Variants in ZBED6 observed in about 807,000 individuals in gnomAD.
ZBED6 encodes the protein zinc finger BED-type containing 6.
In ZBED6, 40 loss-of-function variants were observed where a neutral mutation model predicts 58.4. The observed-to-expected ratio is 0.68, with a 90% CI of 0.53 to 0.89. The LOEUF (loss-of-function observed/expected upper bound fraction) is 0.89, where lower values mean the gene tolerates loss of function less well. Among genes scored for constraint, ZBED6 ranks in the 40% least tolerant of loss-of-function variants. The pLI, the probability that ZBED6 is intolerant of heterozygous loss-of-function variation, is 0.00. For synonymous variants in ZBED6, 439 were observed against 350.6 expected (o/e 1.25, Z -2.82); for missense variants, 1,057 against 1,003.9 (o/e 1.05, Z -0.71).
At chr1:203,845,458 G>A (rs1228851701) in intron 11 of ZBED6, among the ~76,000 whole-genome samples, 1 of 152,234 alleles carries the variant, frequency 6.6e-6, no homozygotes, top group East Asian at 1.9e-4. Flanking sequence ...TACAGTCGTT[G>A]TTCTCATGAA....
chr1:203,835,872 T>C (rs752010554), intron 9 of ZBED6: 6 of 248,034 alleles, frequency 2.4e-5, no homozygotes, highest in Non-Finnish European at 5.3e-5. Context: ...ACCCCACTTA[T>C]AGCCAGCAAA....
chr1:203,851,271 G>A (rs1011724888), intron 16 of ZBED6, 147 bp downstream of exon 16: 4 of 738,650 alleles, frequency 5.4e-6, no homozygotes, highest in African/African-American at 3.6e-5. Flanking sequence ...TGAAAATCTA[G>A]GGTTGCTGTT....
chr1:203,835,186 A>T (rs934050735), intron 9 of ZBED6, among the ~76,000 whole-genome samples: 3 of 152,220 alleles, frequency 2.0e-5, no homozygotes, highest in Non-Finnish European at 4.4e-5. Flanking sequence ...ACTTTCAGCG[A>T]TGAGATAATG....
intron 11 of ZBED6, among the ~76,000 whole-genome samples, chr1:203,843,446 TTTTG>T (rs1217910540): frequency 6.6e-6 from 1 of 152,206 alleles, no homozygotes; most frequent in Non-Finnish European, 1.5e-5. Context: ...TCTGTATACT[TTTTG>T]TTTCTTTGTT....
exon 9 of ZBED6, chr1:203,833,832 G>C: frequency 1.2e-6 from 2 of 1,609,948 alleles, no homozygotes; most frequent in Non-Finnish European, 1.7e-6. Flanking sequence ...TGAGAGACTG[G>C]GGAAACGAAA....
intron 9 of ZBED6, among the ~76,000 whole-genome samples, chr1:203,834,269 C>CTTAT (rs1252542661): frequency 3.9e-5 from 6 of 151,918 alleles, no homozygotes; most frequent in South Asian, 2.1e-4. Context: ...TTGGTGCTTG[C>CTTAT]TTATTTATTT....
At chr1:203,829,488 A>G (rs752391095) in exon 5 of ZBED6, 36 of 1,613,880 alleles carry the variant, frequency 2.2e-5, no homozygotes, top group Non-Finnish European at 2.4e-5. Flanking sequence ...CAGAAGAGGA[A>G]GTGAAGGCTA....
chr1:203,801,858 T>G (rs1379055784), exon 1 of ZBED6: 1 of 151,556 alleles, frequency 6.6e-6, no homozygotes, highest in East Asian at 1.9e-4. Flanking sequence ...AATATGCCAT[T>G]GTGAAATGAA....
chr1:203,799,137 A>G, exon 1 of ZBED6: 1 of 1,508,730 alleles, frequency 6.6e-7, no homozygotes, highest in Non-Finnish European at 8.9e-7. Context: ...GATAACCAAT[A>G]TTTTACAAGA....
At chr1:203,815,432 T>C (rs1676058130) in intron 1 of ZBED6, among the ~76,000 whole-genome samples, 1 of 147,574 alleles carries the variant, frequency 6.8e-6, no homozygotes, top group Non-Finnish European at 1.5e-5. Context: ...TTGTCCAGGC[T>C]GGTCTCGAAC....
intron 3 of ZBED6, among the ~76,000 whole-genome samples, chr1:203,819,529 A>ATTTTTTTTTTTTTT (rs755259647): frequency 1.2e-3 from 84 of 72,874 alleles, no homozygotes; most frequent in African/African-American, 2.3e-3. Flanking sequence ...GCTGACTCCA[A>ATTTTTTTTTTTTTT]TTTTTTTTTT....
chr1:203,802,714 CTT>C (rs150416242), exon 1 of ZBED6: 131 of 131,696 alleles, frequency 9.9e-4, no homozygotes, highest in African/African-American at 3.4e-3. Context: ...TAAATGAACT[CTT>C]TTTTTTTGTT....
chr1:203,804,323 T>G (rs969831658), intron 1 of ZBED6, among the ~76,000 whole-genome samples: 1 of 152,022 alleles, frequency 6.6e-6, no homozygotes, highest in Admixed American at 6.6e-5. Flanking sequence ...GGCTAACTTT[T>G]TTGTATTTTT....
Position 203,797,448 on chromosome 1 carries a change from A to G in ZBED6, c.-75A>G, listed in dbSNP as rs1425806112. The G allele has an allele frequency of 1.1e-5, 15 of 1,341,874 alleles. 1 individual carries two copies. The Admixed American group carries it at 1.5e-4, about 14-fold the overall frequency. 83.1% of individuals were successfully genotyped at this position (1,341,874 alleles called of 1,614,324 possible). ...TGGAGAAAAGGTAATGCAAGTAGAG[A>G]GGAACAGCTGTATTTCTGCTTGAGT... On this transcript the variant is annotated 5_prime_UTR_variant, in exon 1 of 17. Coordinates refer to ENST00000550078, the Ensembl canonical transcript of ZBED6.
intron 12 of ZBED6, among the ~76,000 whole-genome samples, chr1:203,847,922 C>T (rs1688319257): frequency 6.6e-6 from 1 of 152,156 alleles, no homozygotes; most frequent in Non-Finnish European, 1.5e-5. Context: ...GTGGCATGAC[C>T]TTGGCTCACT....
intron 11 of ZBED6, among the ~76,000 whole-genome samples, chr1:203,842,467 G>A (rs1420192192): frequency 3.3e-5 from 5 of 152,134 alleles, no homozygotes; most frequent in Middle Eastern, 3.4e-3. Context: ...GTGTGGCGGC[G>A]CGCGCCTGCA....
chr1:203,811,821 TC>T (rs1674588863), intron 1 of ZBED6, among the ~76,000 whole-genome samples: 2 of 151,624 alleles, frequency 1.3e-5, no homozygotes, highest in Non-Finnish European at 1.5e-5. Flanking sequence ...TTTGTCTTTT[TC>T]TTTTTTTTTT....
At chr1:203,805,728 T>G in intron 1 of ZBED6, 2 of 664,236 alleles carry the variant, frequency 3.0e-6, no homozygotes, top group Non-Finnish European at 5.8e-6. Flanking sequence ...CTGGCTCATC[T>G]AAATAGAACT....
intron 8 of ZBED6, among the ~76,000 whole-genome samples, chr1:203,832,267 G>A (rs924698919): frequency 3.3e-5 from 5 of 151,930 alleles, no homozygotes; most frequent in African/African-American, 1.2e-4. Context: ...CTCCATGTTG[G>A]TCTGGCTGGT....
Sources: allele counts gnomAD v4.1 joint callset (sites outside exome capture counted in the v4.1 genomes callset), GRCh38; gene constraint gnomAD v4.1.1; transcripts MANE v1.5; gene names NCBI Gene and HGNC (gene_info 2026-07-23, HGNC 2026-07-21).